CTC1: variants seen among roughly 807,000 people sequenced by gnomAD.
CTC1 encodes CST complex subunit CTC1.
A neutral mutation model predicts 136.3 loss-of-function variants in CTC1; 91 were observed. That is an observed-to-expected ratio of 0.67 (90% CI 0.56 to 0.79). The LOEUF (loss-of-function observed/expected upper bound fraction) is 0.79. CTC1 is among the 30% of genes least tolerant of loss of function. CTC1 has a pLI of 0.00. For missense variants in CTC1, 1,432 were observed against 1,498.1 expected (o/e 0.96, Z 0.73); for synonymous variants, 606 against 613.8 (o/e 0.99, Z 0.19).
rs767962215 is a variant in CTC1 at position 8,235,860 on chromosome 17, G to T, written c.1177C>A (p.Arg393=). 6.2e-7 allele frequency: 1 copy of T among 1,613,368 alleles called. No individual in the cohort carries two copies. Among genetic ancestry groups the T allele is most frequent in the Non-Finnish European group, 8.5e-7 (1 of 1,179,584 alleles). ...AGACACACTCCAGGTCGCATCACCC[G>T]CCTAAGGCCACGGAACTGCTGGTAG... ...LAYQQFRGLR[R]VMRPGVCLQL... is the part of the protein sequence containing the mutation. Residue 393 remains arginine, a synonymous_variant, in exon 7 of 23, where the codon CGG becomes AGG. Transcript: ENST00000651323.
rs202212634 is a variant in CTC1, at chr17:8,234,592, G to T, written c.1681C>A (p.Arg561Ser). The T allele has an allele frequency of 4.3e-6, 7 of 1,610,674 alleles. No homozygotes were observed. The Admixed American group carries it at 8.4e-5, about 19-fold the overall frequency. ...GGGTCAAAGGAGGCCCAGGCCTTAC[G>T]CTGTCCTTCTTCTTTCAGGGTGGCC... ...TLATLKEEGQRKAWASFDPKA... is the reference protein window; with the variant it reads ...TLATLKEEGQSKAWASFDPKA... Residue 561 changes from arginine to serine, a missense_variant, in exon 10 of 23, where the codon CGT becomes AGT. Arg to Ser is a moderately radical substitution (Grantham distance 110). Coordinates refer to ENST00000651323, the MANE Select transcript of CTC1 (RefSeq NM_025099.6).
At position 8,232,032 on chromosome 17, in the gene CTC1, T is replaced by A; in HGVS notation, c.2256A>T (p.Ala752=). 2 of 1,584,868 alleles carry A rather than the reference T, an allele frequency of 1.3e-6. No homozygotes were observed. Among genetic ancestry groups the A allele is most frequent in the East Asian group, 4.5e-5 (2 of 44,820 alleles). The change falls in exon 13 of 23, where the codon GCA becomes GCT. Residue 752 remains alanine, a synonymous_variant. Coordinates refer to ENST00000651323, the MANE Select transcript of CTC1 (RefSeq NM_025099.6). ...MKRNFCVPPG[A]SPEVPKPALS... ...GGGCGGGCTTGGGCACCTCTGGACT[T>A]GCTCCTGGGGGGACACAAAAATTAC...
intron 1 of CTC1, 21 bp from the exon 2 acceptor site, chr17:8,243,169 TA>T (rs1440992710): frequency 8.1e-6 from 13 of 1,606,242 alleles, no homozygotes; most frequent in Non-Finnish European, 1.0e-5. Context: ...TGAATTTAGT[TA>T]AAACATCTTG....
rs1555532937 is a variant in CTC1, at chr17:8,231,343, T to C, written c.2602A>G (p.Ile868Val). The C allele has an allele frequency of 4.3e-6, 7 of 1,609,820 alleles. No homozygotes were observed. The highest frequency in any genetic ancestry group is 5.9e-6 in the Non-Finnish European group (7 of 1,176,660). ...TTGTTTGCATCCAGCACATCTTGGA[T>C]ATCCTGGGAGCTTTCAAGCTCCAGA... ...WTLELESSQD[I>V]QDVLDANKSL... Residue 868 changes from isoleucine to valine, a missense_variant, in exon 15 of 23, where the codon ATC (isoleucine) becomes GTC (valine). Coordinates refer to ENST00000651323, the MANE Select transcript of CTC1 (RefSeq NM_025099.6).
Position 8,236,273 on chromosome 17 carries a change from C to A in CTC1, c.862G>T (p.Val288Leu), listed in dbSNP as rs201553464. The A allele has an allele frequency of 6.2e-7, 1 of 1,613,792 alleles. No individual in the cohort carries two copies. Among genetic ancestry groups the A allele is most frequent in the Non-Finnish European group, 8.5e-7 (1 of 1,180,052 alleles). The change falls in exon 6 of 23, where the codon GTG (valine) becomes TTG (leucine). Residue 288 changes from valine (V) to leucine (L), a missense_variant. Coordinates refer to ENST00000651323, the MANE Select transcript of CTC1 (RefSeq NM_025099.6). ...TGGCGCTGACCACGGATCTTGGACA[C>A]TCGCAGTTCTGTCAGCACATAGGCT... ...GTAYVLTELR[V>L]SKIRGQRQHV...
At position 8,235,929 on chromosome 17, in the gene CTC1, C is replaced by T. The variant is rs771759195; in HGVS notation, c.1108G>A (p.Ala370Thr). 3.4e-5 allele frequency: 55 copies of T among 1,612,308 alleles called. 1 individual carries two copies. Among genetic ancestry groups the T allele is most frequent in the South Asian group, 1.9e-4 (17 of 90,998 alleles). The change falls in exon 7 of 23, where the codon GCT (alanine) becomes ACT (threonine). Residue 370 changes from alanine (A) to threonine (T), a missense_variant. Ala to Thr is a moderately conservative substitution (Grantham distance 58). Coordinates refer to ENST00000651323, the MANE Select transcript of CTC1 (RefSeq NM_025099.6). Reference protein sequence around the residue: ...GAVTGVLNEPAGLYELDGQLG... With the variant: ...GAVTGVLNEPTGLYELDGQLG... ...TGCCCATCCAGCTCATAGAGGCCAG[C>T]GGGCTCATTCAACACGCCAGTGACT...
At chr17:8,244,452 C>T (rs974881428) in intron 1 of CTC1, among the ~76,000 whole-genome samples, 3 of 152,166 alleles carry the variant, frequency 2.0e-5, no homozygotes, top group African/African-American at 7.2e-5. Context: ...CTTAATGCTA[C>T]TTCTAAGCCA....
At position 8,230,371 on chromosome 17, in the gene CTC1, G is replaced by A. The variant is rs971344070; in HGVS notation, c.2856C>T (p.Asp952=). The change falls in exon 17 of 23, where the codon GAC becomes GAT. Residue 952 remains aspartate, a synonymous_variant. Transcript: ENST00000651323. The part of the protein sequence containing the change: ...FPPHLDVYIE[D]PHLPPSLGLL... ...GTCCTAGTGAGGGAGGCAAGTGTGGGTCTTCTATATATACATCCAGGTGAG... is the reference window on the plus strand; with the variant it reads ...GTCCTAGTGAGGGAGGCAAGTGTGGATCTTCTATATATACATCCAGGTGAG... The A allele has an allele frequency of 6.2e-7, 1 of 1,614,146 alleles. No homozygotes were observed.
Position 8,226,952 on chromosome 17 carries a change from G to A in CTC1, c.*1228C>T, listed in dbSNP as rs989169696. 5.3e-5 allele frequency: 8 copies of A among 152,130 alleles called. No homozygotes were observed. Among genetic ancestry groups the A allele is most frequent in the African/African-American group, 1.9e-4 (8 of 41,354 alleles). The allele number at this position is 152,130 out of a possible 1,614,324, so 9.4% of individuals were successfully genotyped here. On this transcript the variant is annotated 3_prime_UTR_variant, in exon 23 of 23. Transcript: ENST00000651323. ...TAGAAACTTCCGGATAACAGCAGAG[G>A]GTCAGAAAACAAAACACACACAAAA...
In CTC1 at chr17:8,236,140, T is replaced by C. The variant is rs937598790; in HGVS notation, c.995A>G (p.Lys332Arg). ...CGAGTTGCTGGGCATGGGGAGTGGC[T>C]TGGGGTCAGCCTCTAAGAGGGGTCC... ...LEGPLLEADP[K>R]PLPMPSNSED... Residue 332 changes from lysine (K) to arginine (R), a missense_variant, in exon 6 of 23, where the codon AAG becomes AGG. Transcript: ENST00000651323. 1.2e-6 allele frequency: 2 copies of C among 1,614,102 alleles called. No individual in the cohort carries two copies. Among genetic ancestry groups the C allele is most frequent in the Non-Finnish European group, 1.7e-6 (2 of 1,180,044 alleles).
chr17:8,241,626 C>T (rs556729620), intron 2 of CTC1, among the ~76,000 whole-genome samples: 26 of 138,388 alleles, frequency 1.9e-4, no homozygotes, highest in Admixed American at 6.5e-4. Flanking sequence ...AAAAAAAAAG[C>T]AGGCCAGGCA....
In CTC1 at chr17:8,243,018, C is replaced by T. The variant is rs2151545851; in HGVS notation, c.164G>A (p.Arg55Lys). 6.2e-7 allele frequency: 1 copy of T among 1,613,552 alleles called. No homozygotes were observed. The highest frequency in any genetic ancestry group is 1.1e-5 in the South Asian group (1 of 90,916). Reference protein sequence around the residue: ...CVKTVWLSQGRNQGSTLPLSY... With the variant: ...CVKTVWLSQGKNQGSTLPLSY... ...GAGGGGCAGTGTAGAACCTTGGTTCCTTCCCTGGGACAACCAGACAGTCTT... is the reference window on the plus strand; with the variant it reads ...GAGGGGCAGTGTAGAACCTTGGTTCTTTCCCTGGGACAACCAGACAGTCTT... Residue 55 changes from arginine to lysine, a missense_variant, in exon 2 of 23, where the codon AGG (arginine) becomes AAG (lysine). By Grantham distance (26) the Arg-to-Lys change is conservative. Coordinates refer to ENST00000651323, the MANE Select transcript of CTC1 (RefSeq NM_025099.6).
chr17:8,226,982 G>C lies in CTC1; in HGVS notation c.*1198C>G, dbSNP rs897173719. On this transcript the variant is annotated 3_prime_UTR_variant, in exon 23 of 23. Coordinates refer to ENST00000651323, the MANE Select transcript of CTC1 (RefSeq NM_025099.6). ...GAAAACAAAACACACACAAAAAAAA[G>C]CCACCCACTGGCCCGTACGGGGTTC... The C allele has an allele frequency of 3.9e-5, 6 of 152,428 alleles. No individual in the cohort carries two copies. Among genetic ancestry groups the C allele is most frequent in the African/African-American group, 1.4e-4 (6 of 41,404 alleles). 9.4% of individuals were successfully genotyped at this position (152,428 alleles called of 1,614,324 possible). A position where few individuals can be genotyped will look rare whatever the true frequency, so the allele number is the denominator to read the frequency against.
chr17:8,247,847 C>T lies in CTC1; in HGVS notation c.33+157G>A. The T allele has an allele frequency of 4.4e-6, 3 of 685,332 alleles. No homozygotes were observed. The East Asian group carries it at 8.3e-5, about 19-fold the overall frequency. 42.5% of individuals were successfully genotyped at this position (685,332 alleles called of 1,614,324 possible). A position where few individuals can be genotyped will look rare whatever the true frequency, so the allele number is the denominator to read the frequency against. ...AATGAGGGAATAAACATTCGCAGAA[C>T]CAGTAAGAGGTAGGAGCGGACCGAC... On this transcript the variant is annotated intron_variant, in intron 1 of 22. Coordinates refer to ENST00000651323, the MANE Select transcript of CTC1 (RefSeq NM_025099.6).
Position 8,228,163 on chromosome 17 carries a change from C to T in CTC1, c.*17G>A. 1.2e-6 allele frequency: 2 copies of T among 1,610,544 alleles called. No individual in the cohort carries two copies. The highest frequency in any genetic ancestry group is 1.7e-6 in the Non-Finnish European group (2 of 1,177,138). ...TTTTCAGCAAGGAAGGACTCTCAGG[C>T]CATCCTTGCAGTTCAGTTAACAGGA... On this transcript the variant is annotated 3_prime_UTR_variant, in exon 23 of 23. Transcript: ENST00000651323.
Position 8,229,879 on chromosome 17 carries a change from C to T in CTC1, c.3011+12G>A, listed in dbSNP as rs778934733. On this transcript the variant is annotated intron_variant, in intron 18 of 22. Coordinates refer to ENST00000651323, the MANE Select transcript of CTC1 (RefSeq NM_025099.6). ...AGCCAGGAAGTTTAGGGGTTGGGGT[C>T]TGGGCACTGACCTGATGGTGGTCTC... The T allele has an allele frequency of 3.7e-6, 6 of 1,612,694 alleles. No individual in the cohort carries two copies. The East Asian group carries it at 1.3e-4, about 36-fold the overall frequency.
Position 8,231,936 on chromosome 17 carries a change from G to A in CTC1, c.2352C>T (p.Pro784=), listed in dbSNP as rs372436060. The part of the protein sequence containing the change: ...QRKEGTGWGL[P]EPQGNDDNDQ... ...CATTGTCGTCATTTCCCTGGGGCTCGGGCAGCCCCCATCCAGTACCCTCCT... is the reference window on the plus strand; with the variant it reads ...CATTGTCGTCATTTCCCTGGGGCTCAGGCAGCCCCCATCCAGTACCCTCCT... The change falls in exon 13 of 23, where the codon CCC becomes CCT. Residue 784 remains proline (P), a synonymous_variant. Coordinates refer to ENST00000651323, the MANE Select transcript of CTC1 (RefSeq NM_025099.6). 5.5e-5 allele frequency: 89 copies of A among 1,612,970 alleles called. No homozygotes were observed. Among genetic ancestry groups the A allele is most frequent in the Middle Eastern group, 3.3e-4 (2 of 6,058 alleles).
At chr17:8,236,915 C>T (rs1032403935) in intron 5 of CTC1, among the ~76,000 whole-genome samples, 4 of 152,114 alleles carry the variant, frequency 2.6e-5, no homozygotes, top group Non-Finnish European at 5.9e-5. Flanking sequence ...ATACCCCAAA[C>T]CTCAGAATCA....
In CTC1 at chr17:8,232,469, A is replaced by G; in HGVS notation, c.1952T>C (p.Leu651Pro). 1 of 1,613,512 alleles carries G rather than the reference A, an allele frequency of 6.2e-7. No homozygotes were observed. Among genetic ancestry groups the G allele is most frequent in the South Asian group, 1.1e-5 (1 of 91,050 alleles). The change falls in exon 12 of 23, where the codon CTG (leucine) becomes CCG (proline). Residue 651 changes from leucine (L) to proline (P), a missense_variant. Leu to Pro is a moderately conservative substitution (Grantham distance 98, BLOSUM62 -3). Transcript: ENST00000651323. The part of the protein sequence containing the change: ...PLSDPRLIGC[L>P]VRAERFQLIV... Reference sequence around the variant, plus strand: ...CAACTGAAACCTCTCTGCCCGCACCAGGCAGCCTAGAGGAAGAAAGTTTTC... The same window carrying G: ...CAACTGAAACCTCTCTGCCCGCACCGGGCAGCCTAGAGGAAGAAAGTTTTC...
Sources: gnomAD v4.1 joint callset for allele counts (sites outside exome capture counted in the v4.1 genomes callset) on GRCh38, gnomAD v4.1.1 for gene constraint, MANE v1.5 for transcripts, NCBI Gene and HGNC (gene_info 2026-07-23, HGNC 2026-07-21) for gene names.